TRIOBP: variants seen among roughly 807,000 people sequenced by gnomAD.
The protein encoded by TRIOBP is TRIO and F-actin binding protein.
TRIOBP carries 169 observed loss-of-function variants against 238.8 expected under a neutral mutation model. The observed-to-expected ratio is 0.71, with a 90% confidence interval of 0.62 to 0.80. The LOEUF (loss-of-function observed/expected upper bound fraction) is 0.80, where lower values mean the gene tolerates loss of function less well. Among genes scored for constraint, TRIOBP ranks in the 30% least tolerant of loss-of-function variants. The pLI, the probability that TRIOBP is intolerant of heterozygous loss-of-function variation, is 0.00. For synonymous variants in TRIOBP, 1,150 were observed against 1,274.4 expected (o/e 0.90, Z 2.08); for missense variants, 2,838 against 3,122.6 (o/e 0.91, Z 2.17).
chr22:37,766,951 A>ACT (rs1926526668), intron 18 of TRIOBP, among the ~76,000 whole-genome samples: 1 of 126,508 alleles, frequency 7.9e-6, no homozygotes, highest in African/African-American at 3.1e-5. Flanking sequence ...ACAGAGTAAG[A>ACT]CTCCATCAAA....
chr22:37,735,594 G>A (rs940124121), intron 9 of TRIOBP, 152 bp downstream of exon 9: 19 of 904,952 alleles, frequency 2.1e-5, no homozygotes, highest in Non-Finnish European at 2.6e-5. Context: ...AACCCATCCC[G>A]ATCACCAAAC....
chr22:37,762,261 T>G (rs1926283001), intron 17 of TRIOBP, among the ~76,000 whole-genome samples: 1 of 152,140 alleles, frequency 6.6e-6, no homozygotes, highest in Admixed American at 6.5e-5. Flanking sequence ...AGACAAGGTC[T>G]CACTATGTTC....
intron 12 of TRIOBP, among the ~76,000 whole-genome samples, chr22:37,753,185 C>T (rs1328126917): frequency 6.6e-6 from 1 of 152,270 alleles, no homozygotes; most frequent in African/African-American, 2.4e-5. Flanking sequence ...CATCCCTATG[C>T]CAAGGGCCAT....
At chr22:37,746,077 C>T (rs953407642) in intron 11 of TRIOBP, 17 of 623,528 alleles carry the variant, frequency 2.7e-5, no homozygotes, top group Non-Finnish European at 3.4e-5. Context: ...GCCCCGCCGC[C>T]CTAGCGCGCC....
chr22:37,751,444 C>T, intron 11 of TRIOBP: 5 of 425,710 alleles, frequency 1.2e-5, no homozygotes, highest in South Asian at 8.4e-5. Flanking sequence ...TCTATGCAGG[C>T]AGAGTCCTCC....
chr22:37,758,616 C>T (rs545894585), intron 16 of TRIOBP, among the ~76,000 whole-genome samples: 1 of 151,802 alleles, frequency 6.6e-6, no homozygotes, highest in East Asian at 1.9e-4. Flanking sequence ...GCAGAGGATG[C>T]AGTGAGCCAA....
At chr22:37,707,193 T>G (rs948940702) in intron 3 of TRIOBP, among the ~76,000 whole-genome samples, 1 of 152,118 alleles carries the variant, frequency 6.6e-6, no homozygotes, top group Non-Finnish European at 1.5e-5. Context: ...GGAGAATTTC[T>G]TGAATCCGGG....
intron 18 of TRIOBP, 44 bp downstream of exon 18, chr22:37,765,861 C>T (rs1175313665): frequency 6.4e-7 from 1 of 1,563,336 alleles, no homozygotes. Flanking sequence ...CTCTGAGCCT[C>T]TGTGCTGAGG....
chr22:37,725,620 G>T lies in TRIOBP; in HGVS notation c.3064G>T (p.Asp1022Tyr). ...PPCAVCIGHR[D>Y]APRASSPPRY... ...ATGTGCTGTGTGCATTGGGCACCGG[G>T]ATGCCCCTCGAGCCTCTTCGCCCCC... Residue 1022 changes from aspartate to tyrosine, a missense_variant, in exon 7 of 24, where the codon GAT becomes TAT. Coordinates refer to ENST00000644935, the MANE Select transcript of TRIOBP (RefSeq NM_001039141.3). The T allele has an allele frequency of 6.2e-7, 1 of 1,613,860 alleles. No individual in the cohort carries two copies. The highest frequency in any genetic ancestry group is 8.5e-7 in the Non-Finnish European group (1 of 1,179,936).
Position 37,750,802 on chromosome 22 carries a change from G to A in TRIOBP, c.5323-970G>A, listed in dbSNP as rs569489385. ...TGGGTCGGGAGAGGTGGCCAGGCAG[G>A]GTGGCTGTGGTTTCCAGCTGCCACT... On this transcript the variant is annotated intron_variant, in intron 11 of 23. Transcript: ENST00000644935. 2.4e-3 allele frequency: 1,082 copies of A among 458,998 alleles called. 8 individuals carry two copies. Among genetic ancestry groups the A allele is most frequent in the Admixed American group, 4.3e-3 (180 of 42,198 alleles). The allele number at this position is 458,998 out of a possible 1,614,324, so 28.4% of individuals were successfully genotyped here.
chr22:37,748,897 C>T (rs2145858881), intron 11 of TRIOBP, among the ~76,000 whole-genome samples: 1 of 152,200 alleles, frequency 6.6e-6, no homozygotes, highest in Non-Finnish European at 1.5e-5. Context: ...GTGTTTCAGG[C>T]CAAGGACATG....
Position 37,726,302 on chromosome 22 carries a change from C to G in TRIOBP, c.3746C>G (p.Ser1249Cys), listed in dbSNP as rs760934661. Reference sequence around the variant, plus strand: ...GCACCCTCACCTTCACCGGGCAGCTCTGGGGGCTCCCGGGGCTCAGCGCCT... The same window carrying G: ...GCACCCTCACCTTCACCGGGCAGCTGTGGGGGCTCCCGGGGCTCAGCGCCT... ...FLAPSPSPGS[S>C]GGSRGSAPPG... is the part of the protein sequence containing the mutation. Residue 1249 changes from serine (S) to cysteine (C), a missense_variant, in exon 7 of 24, where the codon TCT becomes TGT. Ser to Cys is a moderately radical substitution (Grantham distance 112, BLOSUM62 -1). Around this residue, in one of 5 missense-constraint regions of TRIOBP, gnomAD observed 2,096 missense variants for 2,137.4 expected, o/e 0.98. Transcript: ENST00000644935. The G allele has an allele frequency of 5.6e-6, 9 of 1,612,782 alleles. No homozygotes were observed. Among genetic ancestry groups the G allele is most frequent in the Middle Eastern group, 1.6e-4 (1 of 6,084 alleles).
At position 37,725,505 on chromosome 22, in the gene TRIOBP, A is replaced by G; in HGVS notation, c.2949A>G (p.Pro983=). The change falls in exon 7 of 24, where the codon CCA becomes CCG. Residue 983 remains proline (P), a synonymous_variant. Transcript: ENST00000644935. Reference sequence around the variant, plus strand: ...GGGCCACCTCTTCCTCCCATAACCCAGGCCACCAGAGCACCTCCCGAACTT... The same window carrying G: ...GGGCCACCTCTTCCTCCCATAACCCGGGCCACCAGAGCACCTCCCGAACTT... ...PSRATSSSHN[P]GHQSTSRTSS... 1 of 1,612,976 alleles carries G rather than the reference A, an allele frequency of 6.2e-7. No individual in the cohort carries two copies. Among genetic ancestry groups the G allele is most frequent in the Non-Finnish European group, 8.5e-7 (1 of 1,179,768 alleles).
chr22:37,760,797 A>C lies in TRIOBP; in HGVS notation c.6324+1533A>C, dbSNP rs566858705. ...GAGACTAACCTGGCCAACATGGTGA[A>C]ACTCCGTCTCTAATAAAATACAAAA... On this transcript the variant is annotated intron_variant, in intron 17 of 23. Coordinates refer to ENST00000644935, the MANE Select transcript of TRIOBP (RefSeq NM_001039141.3). Among the ~76,000 whole-genome samples the C allele has an allele frequency of 1.7e-4, 26 of 152,142 alleles. 2 individuals carry two copies. The South Asian group carries it at 5.4e-3, about 32-fold the overall frequency.
intron 11 of TRIOBP, chr22:37,750,819 G>C: frequency 2.2e-6 from 1 of 452,206 alleles, no homozygotes; most frequent in Non-Finnish European, 4.6e-6. Context: ...GTGGTTTCCA[G>C]CTGCCACTGT....
chr22:37,769,684 G>A (rs1220559498), intron 21 of TRIOBP, among the ~76,000 whole-genome samples: 1 of 152,204 alleles, frequency 6.6e-6, no homozygotes, highest in Non-Finnish European at 1.5e-5. Flanking sequence ...GAAAATATGT[G>A]TGTATGTGTG....
chr22:37,759,453 A>G (rs772740748), intron 17 of TRIOBP, 189 bp downstream of exon 17: 2 of 1,479,644 alleles, frequency 1.4e-6, no homozygotes, highest in Admixed American at 1.7e-5. Flanking sequence ...TTTACAGACA[A>G]GGCCACTGAG....
Position 37,734,989 on chromosome 22 carries a change from T to G in TRIOBP, c.4653T>G (p.Ser1551=), listed in dbSNP as rs369451866. The stretch of plus-strand genomic sequence containing the variant: ...GAGCGTGTCCATACCCGCGTGGCTC[T>G]GAGAGGCGACCCGAGCTTGACTGGA... The part of the protein sequence containing the change: ...AEGACPYPRG[S]ERRPELDWRD... Residue 1551 remains serine (S), a synonymous_variant, in exon 9 of 24, where the codon TCT becomes TCG. Transcript: ENST00000644935. 86 of 1,613,354 alleles carry G rather than the reference T, an allele frequency of 5.3e-5. No homozygotes were observed. Among genetic ancestry groups the G allele is most frequent in the Non-Finnish European group, 6.9e-5 (81 of 1,179,872 alleles).
chr22:37,770,662 C>T (rs1255819058), intron 21 of TRIOBP, among the ~76,000 whole-genome samples: 1 of 151,608 alleles, frequency 6.6e-6, no homozygotes, highest in Non-Finnish European at 1.5e-5. Flanking sequence ...CAGGCGTGAG[C>T]CACCGTGCCC....
Sources: gnomAD v4.1 joint callset for allele counts (sites outside exome capture counted in the v4.1 genomes callset) on GRCh38, gnomAD v4.1.1 for gene constraint, gnomAD v4.1.1 regional missense constraint, MANE v1.5 for transcripts, NCBI Gene and HGNC (gene_info 2026-07-23, HGNC 2026-07-21) for gene names.